RBM47: variants seen among roughly 807,000 people sequenced by gnomAD.
RBM47 encodes the protein RNA binding motif protein 47, also known as RNA-binding protein 47.
RBM47 carries 21 observed loss-of-function variants against 47.1 expected under a neutral mutation model. The observed-to-expected ratio is 0.45, with a 90% confidence interval of 0.32 to 0.64. The LOEUF (loss-of-function observed/expected upper bound fraction) is 0.64. Among genes scored for constraint, RBM47 ranks in the 30% least tolerant of loss-of-function variants. RBM47 has a pLI of 0.05. For missense variants in RBM47, 708 were observed against 870.9 expected (o/e 0.81, Z 2.35); for synonymous variants, 375 against 361.7 (o/e 1.04, Z -0.42).
intron 1 of RBM47, among the ~76,000 whole-genome samples, chr4:40,609,505 G>T (rs1736060999): frequency 6.7e-6 from 1 of 148,926 alleles, no homozygotes. Flanking sequence ...TAGAGACAGG[G>T]TTTCACCATG....
intron 2 of RBM47, among the ~76,000 whole-genome samples, chr4:40,498,054 T>TTATATATATATATA (rs6148409): frequency 0.018 from 1,961 of 109,632 alleles, 73 homozygotes; most frequent in African/African-American, 0.056. Context: ...AGTGCTTGTT[T>TTATATATATATATA]TATATATATA....
At chr4:40,547,771 T>C (rs1276133723) in intron 1 of RBM47, among the ~76,000 whole-genome samples, 1 of 152,224 alleles carries the variant, frequency 6.6e-6, no homozygotes, top group East Asian at 1.9e-4. Context: ...TATGAGGCCA[T>C]ACAAAAGACG....
chr4:40,509,582 TA>T (rs1404557386), intron 2 of RBM47, among the ~76,000 whole-genome samples: 1 of 152,110 alleles, frequency 6.6e-6, no homozygotes, highest in Non-Finnish European at 1.5e-5. Flanking sequence ...ATAAAATTTT[TA>T]AAAAGTAAAG....
In RBM47 at chr4:40,466,623, G is replaced by C. The variant is rs1029507084; in HGVS notation, c.-78C>G. On this transcript the variant is annotated 5_prime_UTR_variant, in exon 3 of 7. Coordinates refer to ENST00000295971, the MANE Select transcript of RBM47 (RefSeq NM_001098634.2). ...TCTGGTCCTTTATAAGTCGCAGAAC[G>C]AGAGTATACAGGCAAATTCAGGCAG... 13 of 152,112 alleles carry C rather than the reference G, an allele frequency of 8.5e-5. No homozygotes were observed. The highest frequency in any genetic ancestry group is 2.7e-4 in the African/African-American group (11 of 41,418). The allele number at this position is 152,112 out of a possible 1,614,324, so 9.4% of individuals were successfully genotyped here. A position where few individuals can be genotyped will look rare whatever the true frequency, so the allele number is the denominator to read the frequency against.
Position 40,436,440 on chromosome 4 carries a change from C to T in RBM47, c.1330+1G>A, listed in dbSNP as rs202152011. 1.2e-6 allele frequency: 2 copies of T among 1,612,914 alleles called. No individual in the cohort carries two copies. The highest frequency in any genetic ancestry group is 1.7e-5 in the Admixed American group (1 of 59,998). ...GCATTCTCAATCTGCTTCATACTGA[C>T]CTGTACCAGGTTTAATGGCAACTGG... On this transcript the variant is annotated splice_donor_variant, in intron 5 of 6. Coordinates refer to ENST00000295971, the MANE Select transcript of RBM47 (RefSeq NM_001098634.2). LOFTEE classifies it high-confidence loss of function.
chr4:40,453,350 A>T (rs1390171407), intron 3 of RBM47, among the ~76,000 whole-genome samples: 1 of 152,202 alleles, frequency 6.6e-6, no homozygotes, highest in East Asian at 1.9e-4. Flanking sequence ...GCAAGGATGG[A>T]CTGTGGGCCA....
intron 2 of RBM47, among the ~76,000 whole-genome samples, chr4:40,503,788 T>C (rs1488676844): frequency 1.3e-5 from 2 of 152,016 alleles, no homozygotes; most frequent in East Asian, 3.9e-4. Flanking sequence ...GATACATATA[T>C]ACATACATAC....
intron 1 of RBM47, among the ~76,000 whole-genome samples, chr4:40,605,917 A>G (rs1249203885): frequency 6.6e-6 from 1 of 152,002 alleles, no homozygotes; most frequent in Non-Finnish European, 1.5e-5. Context: ...AGTAAAACAA[A>G]AGTGAGTTGA....
chr4:40,579,399 GTGACAGAGCGAGACCC>G (rs1426445237), intron 1 of RBM47, among the ~76,000 whole-genome samples: 1 of 123,288 alleles, frequency 8.1e-6, no homozygotes, highest in Non-Finnish European at 1.6e-5. Flanking sequence ...TCCAGCCTGG[GTGACAGAGCGAGACCC>G]TGTCTCAGAA....
intron 2 of RBM47, among the ~76,000 whole-genome samples, chr4:40,469,807 G>A (rs1718580151): frequency 6.6e-6 from 1 of 151,370 alleles, no homozygotes; most frequent in African/African-American, 2.4e-5. Flanking sequence ...GAGACATTTT[G>A]TATTTTTAGT....
rs1714785336 is a variant in RBM47, at chr4:40,424,735, G to A, written c.*1169C>T. 1 of 152,094 alleles carries A rather than the reference G, an allele frequency of 6.6e-6. No homozygotes were observed. The allele number at this position is 152,094 out of a possible 1,614,324, so 9.4% of individuals were successfully genotyped here. A position where few individuals can be genotyped will look rare whatever the true frequency, so the allele number is the denominator to read the frequency against. ...GACAGTTTTGCAAGAAACATGGTAA[G>A]GCAACTAGAAGCATAACTTTCTGCT... On this transcript the variant is annotated 3_prime_UTR_variant, in exon 7 of 7. Transcript: ENST00000295971.
At chr4:40,443,893 T>G (rs1714093028) in intron 3 of RBM47, among the ~76,000 whole-genome samples, 1 of 151,966 alleles carries the variant, frequency 6.6e-6, no homozygotes, top group South Asian at 2.1e-4. Flanking sequence ...TGCCAAACAC[T>G]TAGATATATT....
chr4:40,436,691 G>C (rs561817999), intron 4 of RBM47, 44 bp from the exon 5 acceptor site: 1 of 1,590,026 alleles, frequency 6.3e-7, no homozygotes, highest in Non-Finnish European at 8.6e-7. Context: ...CAACAGTGAC[G>C]GTGCTGGAGG....
Position 40,569,016 on chromosome 4 carries a change from TAGACAGACAGACAGAC to T in RBM47, c.-239-24526_-239-24511del, listed in dbSNP as rs398063481. 6.1e-5 allele frequency among the ~76,000 whole-genome samples: 6 copies of T among 98,806 alleles called. 1 individual carries two copies. The highest frequency in any genetic ancestry group is 3.1e-4 in the Admixed American group (3 of 9,566). 64.8% of individuals were successfully genotyped at this position (98,806 alleles called of 152,430 possible). ...ATAGATAGATAGATAGATAGATAGATAGACAGACAGACAGACAGACAGACAGACAGACAGATAGATA... is the reference window on the plus strand; with the variant it reads ...ATAGATAGATAGATAGATAGATAGATAGACAGACAGACAGACAGATAGATA... On this transcript the variant is annotated intron_variant, in intron 1 of 6. Transcript: ENST00000295971.
At chr4:40,591,358 T>TA (rs1734118351) in intron 1 of RBM47, among the ~76,000 whole-genome samples, 1 of 152,052 alleles carries the variant, frequency 6.6e-6, no homozygotes, top group African/African-American at 2.4e-5. Context: ...AATTTTGGTC[T>TA]AAAAAAAGGC....
intron 2 of RBM47, among the ~76,000 whole-genome samples, chr4:40,473,746 A>C (rs11943940): frequency 0.011 from 1,694 of 152,322 alleles, 33 homozygotes; most frequent in East Asian, 0.066. Context: ...GACCCCACAA[A>C]ATGAGTAAAC....
At chr4:40,584,913 AGAAAGCTGATG>A (rs1733395459) in intron 1 of RBM47, among the ~76,000 whole-genome samples, 1 of 152,228 alleles carries the variant, frequency 6.6e-6, no homozygotes. Flanking sequence ...TGGAAAGATC[AGAAAGCTGATG>A]GAGTCTCAGC....
In RBM47 at chr4:40,574,724, C is replaced by T. The variant is rs1048962315; in HGVS notation, c.-239-30218G>A. Among the ~76,000 whole-genome samples the T allele has an allele frequency of 1.6e-4, 24 of 152,106 alleles. 1 individual carries two copies. The highest frequency in any genetic ancestry group is 1.4e-3 in the Admixed American group (22 of 15,268). On this transcript the variant is annotated intron_variant, in intron 1 of 6. Transcript: ENST00000295971. ...AATTAGCCAGGTGTGGTGGCATATG[C>T]CTGTAATCTCAGCTACTCGGGAGGC...
At chr4:40,529,595 AG>A (rs1360890166) in intron 2 of RBM47, among the ~76,000 whole-genome samples, 4 of 136,924 alleles carry the variant, frequency 2.9e-5, no homozygotes, top group Admixed American at 2.3e-4. Context: ...GCATTTTGGG[AG>A]GCTGAGGTGG....
Sources: allele counts gnomAD v4.1 joint callset (sites outside exome capture counted in the v4.1 genomes callset), GRCh38; gene constraint gnomAD v4.1.1; transcripts MANE v1.5; gene names NCBI Gene and HGNC (gene_info 2026-07-23, HGNC 2026-07-21).